The following MELTF variants were observed in gnomAD, a reference collection of about 807,000 sequenced individuals.
The protein encoded by MELTF is melanotransferrin, also known as antigen p97 (melanoma associated) identified by monoclonal antibodies 133.2 and 96.5.
MELTF carries 67 observed loss-of-function variants against 83.7 expected under a neutral mutation model. The ratio of observed to expected loss-of-function variants is 0.80; its 90% CI spans 0.66 to 0.98. The LOEUF (loss-of-function observed/expected upper bound fraction) is 0.98. MELTF is among the 50% of genes least tolerant of loss of function. The probability of loss-of-function intolerance (pLI) is 0.00; values close to 1 mark genes in which losing one functional copy is unlikely to be tolerated. For synonymous variants in MELTF, 462 were observed against 447.6 expected, an observed-to-expected ratio of 1.03 and a Z score of -0.41; for missense variants, 1,002 against 1,035.6, an observed-to-expected ratio of 0.97 and a Z score of 0.44.
intron 11 of MELTF, 70 bp downstream of exon 11, chr3:197,009,548 C>T (rs1719106735): frequency 4.7e-6 from 7 of 1,481,600 alleles, no homozygotes; most frequent in Non-Finnish European, 6.4e-6. Context: ...CTCTCCCCAA[C>T]AGGCTGCGGG....
rs1276578480 is a variant in MELTF, at chr3:197,019,550, CA to C, written c.712+1853del. The C allele has an allele frequency of 2.6e-6, 4 of 1,560,060 alleles. No individual in the cohort carries two copies. In the East Asian group the frequency reaches 9.1e-5, roughly 36 times the overall value. On this transcript the variant is annotated intron_variant, in intron 6 of 15. Transcript: ENST00000296350. ...GCTGGGGGTTTGAGACCAGCCTGGG[CA>C]ACATGGTGAGACCCCCATCTCAAAA...
chr3:197,014,634 C>T (rs1719296656), intron 9 of MELTF, among the ~76,000 whole-genome samples: 1 of 152,120 alleles, frequency 6.6e-6, no homozygotes. Flanking sequence ...AAGTGATCCA[C>T]CCACCTTGGC....
At chr3:197,012,844 A>C (rs1208663833) in intron 9 of MELTF, among the ~76,000 whole-genome samples, 1 of 152,258 alleles carries the variant, frequency 6.6e-6, no homozygotes, top group Non-Finnish European at 1.5e-5. Flanking sequence ...GTGGGTCATG[A>C]CAAGTGTCAG....
At position 197,024,180 on chromosome 3, in the gene MELTF, C is replaced by T. The variant is rs1177520688; in HGVS notation, c.487+123G>A. On this transcript the variant is annotated intron_variant, in intron 4 of 15. Coordinates refer to ENST00000296350, the MANE Select transcript of MELTF (RefSeq NM_005929.6). The surrounding 1 kb of genome is among the most constrained non-coding windows in gnomAD (Gnocchi z 5.3). ...GGCACGGGGCGGGCGGGGGCTGCTG[C>T]GCCTTCCAGGAATGAAGAATGGTGG... 17 of 1,118,886 alleles carry T rather than the reference C, an allele frequency of 1.5e-5. No individual in the cohort carries two copies. In the East Asian group the frequency reaches 2.0e-4, roughly 13 times the overall value. The allele number at this position is 1,118,886 out of a possible 1,614,324, so 69.3% of individuals were successfully genotyped here. A position where few individuals can be genotyped will look rare whatever the true frequency, so the allele number is the denominator to read the frequency against.
chr3:197,028,083 G>T, intron 1 of MELTF, 173 bp from the exon 2 acceptor site: 1 of 708,748 alleles, frequency 1.4e-6, no homozygotes. Context: ...GGAAGGGCTG[G>T]TATTCCTGTG....
chr3:197,026,395 G>A (rs1560225253), intron 3 of MELTF: 2 of 476,000 alleles, frequency 4.2e-6, no homozygotes, highest in East Asian at 3.4e-5. Flanking sequence ...GCCCGGGACA[G>A]CCCGCAGTAA....
chr3:197,013,459 G>A (rs903856533), intron 9 of MELTF, among the ~76,000 whole-genome samples: 1 of 152,174 alleles, frequency 6.6e-6, no homozygotes, highest in Non-Finnish European at 1.5e-5. Flanking sequence ...ACATTGGTCT[G>A]AGAAAAGATT....
At position 197,024,517 on chromosome 3, in the gene MELTF, AG is replaced by A; in HGVS notation, c.305-33del. 1 of 1,540,294 alleles carries A rather than the reference AG, an allele frequency of 6.5e-7. No homozygotes were observed. The highest frequency in any genetic ancestry group is 1.2e-5 in the South Asian group (1 of 82,576). ...GGGGAGGGGAGTGGGTGAGGGCAGC[AG>A]GGAGAGGCCTCGAGAGAGGCTGCAC... On this transcript the variant is annotated intron_variant, in intron 3 of 15. Coordinates refer to ENST00000296350, the MANE Select transcript of MELTF (RefSeq NM_005929.6). This position sits in a 1 kb window ranked among gnomAD's most constrained non-coding sequence, Gnocchi z 5.3.
Position 197,010,688 on chromosome 3 carries a change from C to T in MELTF, c.1330+10G>A. ...CCCGGCTGAGGCCAGGCGGCAGGCCCTGCACTCACGGGCATAGTGCTCCCC... is the reference window on the plus strand; with the variant it reads ...CCCGGCTGAGGCCAGGCGGCAGGCCTTGCACTCACGGGCATAGTGCTCCCC... On this transcript the variant is annotated intron_variant, in intron 10 of 15. Coordinates refer to ENST00000296350, the MANE Select transcript of MELTF (RefSeq NM_005929.6). 2 of 1,610,060 alleles carry T rather than the reference C, an allele frequency of 1.2e-6. No homozygotes were observed. The highest frequency in any genetic ancestry group is 2.2e-5 in the South Asian group (2 of 91,028).
chr3:197,021,684 G>A (rs1237744169), intron 5 of MELTF, among the ~76,000 whole-genome samples: 2 of 152,172 alleles, frequency 1.3e-5, no homozygotes, highest in African/African-American at 4.8e-5. Flanking sequence ...AAGCGGGGGT[G>A]GGAAAGTAGC....
rs1336281444 is a variant in MELTF, at chr3:197,003,246, C to A, written c.*126G>T. On this transcript the variant is annotated 3_prime_UTR_variant, in exon 16 of 16. Transcript: ENST00000296350. The surrounding 1 kb of genome is among the most constrained non-coding windows in gnomAD (Gnocchi z 6.2). ...TGGCGCCCGTGGGCGGCGGGGCTCCCGGGGAGGCGCCTGCTCCCGCCCACG... is the reference window on the plus strand; with the variant it reads ...TGGCGCCCGTGGGCGGCGGGGCTCCAGGGGAGGCGCCTGCTCCCGCCCACG... 2 of 995,246 alleles carry A rather than the reference C, an allele frequency of 2.0e-6. No homozygotes were observed. Among genetic ancestry groups the A allele is most frequent in the Non-Finnish European group, 2.4e-6 (2 of 831,932 alleles). The allele number at this position is 995,246 out of a possible 1,614,324, so 61.7% of individuals were successfully genotyped here.
intron 3 of MELTF, 164 bp downstream of exon 3, chr3:197,026,496 C>G (rs78993299): frequency 0.056 from 35,421 of 627,748 alleles, 1,602 homozygotes; most frequent in African/African-American, 0.17. Flanking sequence ...GAGCTCCTGT[C>G]CCTGGGGAAT....
intron 9 of MELTF, among the ~76,000 whole-genome samples, chr3:197,012,008 A>T (rs554453984): frequency 4.1e-4 from 62 of 152,302 alleles, no homozygotes; most frequent in African/African-American, 1.3e-3. Context: ...GCCAGGCATT[A>T]GGAAATAAAG....
Position 197,006,199 on chromosome 3 carries a change from G to A in MELTF, c.1938+350C>T, listed in dbSNP as rs1164712201. 2.6e-5 allele frequency among the ~76,000 whole-genome samples: 4 copies of A among 151,806 alleles called. No individual in the cohort carries two copies. In the East Asian group the frequency reaches 7.7e-4, roughly 29 times the overall value. On this transcript the variant is annotated intron_variant, in intron 14 of 15. Coordinates refer to ENST00000296350, the MANE Select transcript of MELTF (RefSeq NM_005929.6). The surrounding 1 kb of genome is among the most constrained non-coding windows in gnomAD (Gnocchi z 5.4). ...TAGTGCCACTGCACTCCAGCCTGGG[G>A]CGACAGAGTAAGACTCCGTCTCAAA...
In MELTF at chr3:197,009,080, C is replaced by T. The variant is rs1719088572; in HGVS notation, c.1526-115G>A. On this transcript the variant is annotated intron_variant, in intron 11 of 15. Transcript: ENST00000296350. ...CCCCCCGGATCCTACACTGCAAGGC[C>T]ACCTGTCTGCTCCGCTCCCCTCAGC... 4.9e-6 allele frequency: 6 copies of T among 1,222,370 alleles called. No homozygotes were observed. In the Admixed American group the frequency reaches 9.8e-5, roughly 20 times the overall value. 75.7% of individuals were successfully genotyped at this position (1,222,370 alleles called of 1,614,324 possible). A position where few individuals can be genotyped will look rare whatever the true frequency, so the allele number is the denominator to read the frequency against.
rs1399554761 is a variant in MELTF, at chr3:197,016,305, T to C, written c.965A>G (p.Asp322Gly). 2 of 1,612,728 alleles carry C rather than the reference T, an allele frequency of 1.2e-6. No individual in the cohort carries two copies. Among genetic ancestry groups the C allele is most frequent in the Non-Finnish European group, 1.7e-6 (2 of 1,179,330 alleles). Residue 322 changes from aspartate to glycine, a missense_variant, in exon 8 of 16, where the codon GAT (aspartate) becomes GGT (glycine). Transcript: ENST00000296350. Reference sequence around the variant, plus strand: ...CGAGGTAGAGTCTTTGAAGAGTAGATCCTTCTGGCCATAGGCCTCAGAGCT... The same window carrying C: ...CGAGGTAGAGTCTTTGAAGAGTAGACCCTTCTGGCCATAGGCCTCAGAGCT... ...MFSSEAYGQK[D>G]LLFKDSTSEL...
intron 6 of MELTF, among the ~76,000 whole-genome samples, chr3:197,017,969 A>G (rs555705159): frequency 9.8e-5 from 15 of 152,300 alleles, no homozygotes; most frequent in Non-Finnish European, 1.9e-4. Context: ...TTTGGCTCTG[A>G]GCAGGGGGCA....
chr3:197,017,391 T>C (rs1399890942), intron 6 of MELTF, 101 bp from the exon 7 acceptor site: 19 of 1,111,192 alleles, frequency 1.7e-5, no homozygotes, highest in Middle Eastern at 2.9e-4. Flanking sequence ...CTGGGTGTCA[T>C]GGACATGAGA....
At chr3:197,012,422 C>T (rs548020021) in intron 9 of MELTF, among the ~76,000 whole-genome samples, 2 of 152,346 alleles carry the variant, frequency 1.3e-5, no homozygotes, top group African/African-American at 2.4e-5. Flanking sequence ...GTGGGGCATA[C>T]GGGGAGTGTC....
Sources: gnomAD v4.1 joint callset for allele counts (sites outside exome capture counted in the v4.1 genomes callset) on GRCh38, gnomAD v4.1.1 for gene constraint, Gnocchi (gnomAD v3.1) non-coding constraint, MANE v1.5 for transcripts, NCBI Gene and HGNC (gene_info 2026-07-23, HGNC 2026-07-21) for gene names.